Variants in PLPP4 observed in about 807,000 individuals in gnomAD.
The protein encoded by PLPP4 is diacylglycerol pyrophosphate like 2.
A neutral mutation model predicts 32.2 loss-of-function variants in PLPP4; 20 were observed. The observed-to-expected ratio is 0.62, with a 90% confidence interval of 0.44 to 0.90. PLPP4 has a LOEUF of 0.90. PLPP4 is among the 40% of genes least tolerant of loss of function. PLPP4 has a pLI of 0.00. For missense variants in PLPP4, 257 were observed against 353.1 expected, an observed-to-expected ratio of 0.73 and a Z score of 2.18; for synonymous variants, 127 against 133.0, an observed-to-expected ratio of 0.95 and a Z score of 0.31.
Position 120,589,721 on chromosome 10 carries a change from G to A in PLPP4, c.*219G>A, listed in dbSNP as rs576604634. The A allele has an allele frequency of 3.0e-5, 16 of 538,738 alleles. No homozygotes were observed. The highest frequency in any genetic ancestry group is 1.8e-4 in the East Asian group (6 of 33,338). 33.4% of individuals were successfully genotyped at this position (538,738 alleles called of 1,614,324 possible). A position where few individuals can be genotyped will look rare whatever the true frequency, so the allele number is the denominator to read the frequency against. On this transcript the variant is annotated 3_prime_UTR_variant, in exon 7 of 7. Coordinates refer to ENST00000398250, the MANE Select transcript of PLPP4 (RefSeq NM_001030059.3). ...TGAAGGACAACAATCTCTGAGAGAC[G>A]TGTGGAAGAGGCTGTGAAGGTGGGG...
intron 5 of PLPP4, among the ~76,000 whole-genome samples, chr10:120,547,998 A>G (rs540444287): frequency 3.4e-4 from 52 of 152,176 alleles, no homozygotes; most frequent in Middle Eastern, 3.2e-3. Flanking sequence ...TCTTAAGAAT[A>G]ATGAACACAT....
intron 1 of PLPP4, among the ~76,000 whole-genome samples, chr10:120,475,154 G>A (rs1843841341): frequency 6.6e-6 from 1 of 152,068 alleles, no homozygotes; most frequent in Non-Finnish European, 1.5e-5. Flanking sequence ...ACATTCACCA[G>A]ATGGCCCCCA....
At chr10:120,480,225 G>A (rs932775480) in intron 1 of PLPP4, among the ~76,000 whole-genome samples, 1 of 152,186 alleles carries the variant, frequency 6.6e-6, no homozygotes, top group Non-Finnish European at 1.5e-5. Flanking sequence ...TTGTTACTGA[G>A]TGTGTTGCCC....
intron 5 of PLPP4, among the ~76,000 whole-genome samples, chr10:120,528,138 G>T (rs1338812964): frequency 7.3e-6 from 1 of 137,352 alleles, no homozygotes; most frequent in African/African-American, 2.7e-5. Context: ...GCAGCGGCGC[G>T]ATCTCGGCTC....
At chr10:120,550,153 T>C (rs1433907454) in intron 5 of PLPP4, among the ~76,000 whole-genome samples, 3 of 151,952 alleles carry the variant, frequency 2.0e-5, no homozygotes, top group African/African-American at 7.2e-5. Context: ...AGAAAATCAA[T>C]TGAATATTTA....
chr10:120,523,812 A>G (rs1265121796), intron 5 of PLPP4, among the ~76,000 whole-genome samples: 1 of 152,190 alleles, frequency 6.6e-6, no homozygotes, highest in Middle Eastern at 3.2e-3. Flanking sequence ...TTGGTAGGGG[A>G]CTGTAGCACA....
intron 5 of PLPP4, among the ~76,000 whole-genome samples, chr10:120,566,692 T>C (rs568541018): frequency 1.3e-5 from 2 of 152,170 alleles, no homozygotes; most frequent in East Asian, 3.9e-4. Flanking sequence ...GTAGCTAGGA[T>C]TACAGGTGCC....
At position 120,550,057 on chromosome 10, in the gene PLPP4, C is replaced by T. The variant is rs112975654; in HGVS notation, c.446-25074C>T. On this transcript the variant is annotated intron_variant, in intron 5 of 6. Transcript: ENST00000398250. ...AAATTAGTTTTATTTGCAGATAACA[C>T]GATTATTTGTTTATAAAGTCCTAAG... Among the ~76,000 whole-genome samples, 1,328 of 151,766 alleles carry T rather than the reference C, an allele frequency of 8.8e-3. 24 individuals are homozygous for T. The highest frequency in any genetic ancestry group is 0.031 in the African/African-American group (1,273 of 41,444).
chr10:120,472,701 G>T (rs1175883114), intron 1 of PLPP4, among the ~76,000 whole-genome samples: 1 of 151,418 alleles, frequency 6.6e-6, no homozygotes, highest in Non-Finnish European at 1.5e-5. Context: ...CTGTATTTTT[G>T]GTTCTTCAGG....
chr10:120,482,225 G>T (rs1844239048), intron 1 of PLPP4, among the ~76,000 whole-genome samples: 1 of 152,168 alleles, frequency 6.6e-6, no homozygotes. Flanking sequence ...AGTTTGGAGG[G>T]CTCAGAAGAA....
chr10:120,496,784 T>A (rs1844981686), intron 1 of PLPP4, among the ~76,000 whole-genome samples: 1 of 152,146 alleles, frequency 6.6e-6, no homozygotes, highest in Non-Finnish European at 1.5e-5. Flanking sequence ...CCTTTCTATA[T>A]AACAAGACAC....
intron 1 of PLPP4, among the ~76,000 whole-genome samples, chr10:120,502,083 G>A (rs892032808): frequency 6.6e-6 from 1 of 152,188 alleles, no homozygotes; most frequent in Non-Finnish European, 1.5e-5. Flanking sequence ...GCACCCCAGT[G>A]AGGGGATGCA....
At chr10:120,478,793 T>G (rs1000951215) in intron 1 of PLPP4, among the ~76,000 whole-genome samples, 3 of 152,238 alleles carry the variant, frequency 2.0e-5, no homozygotes, top group Non-Finnish European at 2.9e-5. Flanking sequence ...AAGCAAATAA[T>G]TTAATACAGC....
chr10:120,588,793 C>T (rs895328003), intron 6 of PLPP4, among the ~76,000 whole-genome samples: 22 of 152,212 alleles, frequency 1.4e-4, no homozygotes, highest in Admixed American at 2.0e-4. Context: ...TGCCTGTAAT[C>T]CCAGCGCTTT....
At chr10:120,579,338 G>A (rs1186656942) in intron 6 of PLPP4, among the ~76,000 whole-genome samples, 2 of 152,128 alleles carry the variant, frequency 1.3e-5, no homozygotes, top group Non-Finnish European at 2.9e-5. Flanking sequence ...ACATTCATTT[G>A]TTCCCACCCA....
At chr10:120,509,536 C>T (rs993851875) in intron 2 of PLPP4, among the ~76,000 whole-genome samples, 2 of 152,180 alleles carry the variant, frequency 1.3e-5, no homozygotes, top group Non-Finnish European at 2.9e-5. Flanking sequence ...ATAATCTCTG[C>T]CAGCCTCAGT....
chr10:120,474,360 C>A (rs546733178), intron 1 of PLPP4, among the ~76,000 whole-genome samples: 1 of 152,208 alleles, frequency 6.6e-6, no homozygotes, highest in African/African-American at 2.4e-5. Context: ...CTCACTTTGT[C>A]TATCTAAAAT....
intron 1 of PLPP4, among the ~76,000 whole-genome samples, chr10:120,485,393 C>T (rs1844400705): frequency 6.6e-6 from 1 of 152,248 alleles, no homozygotes; most frequent in African/African-American, 2.4e-5. Flanking sequence ...CTTTGTCTCT[C>T]TTTTCCATAC....
chr10:120,528,352 A>G (rs4751789), intron 5 of PLPP4, among the ~76,000 whole-genome samples: 71,874 of 151,854 alleles, frequency 0.47, 17,419 homozygotes, highest in East Asian at 0.61. Context: ...GGGATTACAG[A>G]CGTGAGCCAC....
Sources: allele counts gnomAD v4.1 joint callset (sites outside exome capture counted in the v4.1 genomes callset), GRCh38; gene constraint gnomAD v4.1.1; transcripts MANE v1.5; gene names NCBI Gene and HGNC (gene_info 2026-07-23, HGNC 2026-07-21).